The following AGMO variants were observed in gnomAD, a reference collection of about 807,000 sequenced individuals.
AGMO encodes the protein alkylglycerol monooxygenase.
AGMO carries 75 observed loss-of-function variants against 60.2 expected under a neutral mutation model. The ratio of observed to expected loss-of-function variants is 1.25; its 90% CI spans 1.03 to 1.51. The LOEUF is 1.51. Among genes scored for constraint, AGMO ranks in the 40% most tolerant of loss-of-function variants. The pLI is 0.00. For synonymous variants in AGMO, 261 were observed against 177.1 expected (o/e 1.47, Z -3.76); for missense variants, 763 against 525.5 (o/e 1.45, Z -4.42).
chr7:15,136,699 C>T, the AGMO span, among the ~76,000 whole-genome samples: 77 of 151,902 alleles, frequency 5.1e-4, no homozygotes, highest in African/African-American at 1.6e-3. Flanking sequence ...TTGCTGTATA[C>T]GGCAGCAATT....
intron 12 of AGMO, among the ~76,000 whole-genome samples, chr7:15,210,240 C>A (rs938520295): frequency 6.6e-6 from 1 of 152,084 alleles, no homozygotes; most frequent in Non-Finnish European, 1.5e-5. Flanking sequence ...AGGCAAAAAG[C>A]AATCAGATAT....
At chr7:15,547,155 T>C (rs1277712516) in intron 2 of AGMO, among the ~76,000 whole-genome samples, 1 of 140,788 alleles carries the variant, frequency 7.1e-6, no homozygotes, top group Non-Finnish European at 1.6e-5. Flanking sequence ...GCATTGCTGT[T>C]CTTTAGCACC....
intron 3 of AGMO, among the ~76,000 whole-genome samples, chr7:15,519,719 C>T (rs113304348): frequency 0.012 from 1,788 of 152,202 alleles, 38 homozygotes; most frequent in African/African-American, 0.04. Context: ...AATGTAAAGA[C>T]CATTGTCACT....
At chr7:15,319,968 G>A (rs893961023) in intron 12 of AGMO, among the ~76,000 whole-genome samples, 1 of 152,030 alleles carries the variant, frequency 6.6e-6, no homozygotes, top group African/African-American at 2.4e-5. Context: ...TAGGGACATG[G>A]ATGAAGCTGG....
chr7:15,413,159 G>A (rs1780663199), intron 5 of AGMO, among the ~76,000 whole-genome samples: 1 of 152,112 alleles, frequency 6.6e-6, no homozygotes. Context: ...ATTTAAAAAA[G>A]CCAAATTCTA....
At chr7:15,544,072 A>T (rs1408676005) in intron 3 of AGMO, among the ~76,000 whole-genome samples, 2 of 152,136 alleles carry the variant, frequency 1.3e-5, no homozygotes, top group East Asian at 3.9e-4. Flanking sequence ...CATTTGCAGC[A>T]ACCCAGATGG....
chr7:15,262,160 G>T (rs1783291698), intron 12 of AGMO, among the ~76,000 whole-genome samples: 1 of 152,134 alleles, frequency 6.6e-6, no homozygotes, highest in South Asian at 2.1e-4. Flanking sequence ...AGGAAATCAA[G>T]GCCATCCAAA....
chr7:15,293,597 C>G, intron 12 of AGMO, among the ~76,000 whole-genome samples: 1 of 151,770 alleles, frequency 6.6e-6, no homozygotes, highest in East Asian at 1.9e-4. Flanking sequence ...AAACTGTTAA[C>G]ATCTCAGCTT....
intron 5 of AGMO, among the ~76,000 whole-genome samples, chr7:15,412,710 C>G (rs997130935): frequency 8.9e-6 from 1 of 111,792 alleles, no homozygotes; most frequent in Admixed American, 8.8e-5. Flanking sequence ...AAAAAAAAGA[C>G]AAGGCTTGCC....
chr7:15,435,243 A>G (rs1781367106), intron 3 of AGMO, among the ~76,000 whole-genome samples: 2 of 151,166 alleles, frequency 1.3e-5, no homozygotes, highest in South Asian at 4.2e-4. Context: ...GCGTGGGATT[A>G]TTGAGCTGTA....
chr7:15,455,538 C>A (rs950197590), intron 3 of AGMO, among the ~76,000 whole-genome samples: 1 of 152,022 alleles, frequency 6.6e-6, no homozygotes, highest in African/African-American at 2.4e-5. Flanking sequence ...TACAAGATGC[C>A]GCTTTATTCT....
At position 15,496,976 on chromosome 7, in the gene AGMO, A is replaced by G. The variant is rs16878503; in HGVS notation, c.409+47796T>C. On this transcript the variant is annotated intron_variant, in intron 3 of 12. Transcript: ENST00000342526. ...ATTTCTCTACTATCCAATCTTGTCT[A>G]CATTATATTCCATTCTTGGCCAGCT... Among the ~76,000 whole-genome samples, 1,481 of 152,234 alleles carry G rather than the reference A, an allele frequency of 9.7e-3. 21 individuals are homozygous for G. The highest frequency in any genetic ancestry group is 0.033 in the African/African-American group (1,358 of 41,550).
At chr7:15,161,346 G>A in the AGMO span, among the ~76,000 whole-genome samples, 1 of 151,958 alleles carries the variant, frequency 6.6e-6, no homozygotes, top group Non-Finnish European at 1.5e-5. Context: ...CCTGCAGATG[G>A]CCTTTAGACT....
rs77140871 is a variant in AGMO at position 15,504,441 on chromosome 7, A to T, written c.409+40331T>A. Among the ~76,000 whole-genome samples the T allele has an allele frequency of 1.0e-3, 159 of 151,926 alleles. 1 individual carries two copies. The East Asian group carries it at 0.029, about 28-fold the overall frequency. Reference sequence around the variant, plus strand: ...TGTAAAGATGAATTTCAACCTCAAAACCCCCACTGGTTTAATGGAAGTGAC... The same window carrying T: ...TGTAAAGATGAATTTCAACCTCAAATCCCCCACTGGTTTAATGGAAGTGAC... On this transcript the variant is annotated intron_variant, in intron 3 of 12. Coordinates refer to ENST00000342526, the MANE Select transcript of AGMO (RefSeq NM_001004320.2).
chr7:15,547,924 GC>G (rs943385240), intron 2 of AGMO, among the ~76,000 whole-genome samples: 9 of 152,164 alleles, frequency 5.9e-5, no homozygotes, highest in Non-Finnish European at 1.2e-4. Context: ...CTGTCTGATA[GC>G]TTTGAAGAGA....
At chr7:15,414,446 G>C (rs1780700188) in intron 5 of AGMO, among the ~76,000 whole-genome samples, 1 of 151,434 alleles carries the variant, frequency 6.6e-6, no homozygotes, top group African/African-American at 2.4e-5. Flanking sequence ...TGATAGGAAT[G>C]CATATTTAAT....
chr7:15,358,441 G>GTT (rs1344146379), intron 12 of AGMO: 1 of 470,956 alleles, frequency 2.1e-6, no homozygotes, highest in African/African-American at 2.0e-5. Context: ...CAAGTAGGGT[G>GTT]TTTCCTAAAG....
At chr7:15,241,374 G>A (rs1425990671) in intron 12 of AGMO, among the ~76,000 whole-genome samples, 1 of 147,900 alleles carries the variant, frequency 6.8e-6, no homozygotes, top group African/African-American at 2.5e-5. Context: ...GCAGGAGAAT[G>A]GCATGAACCC....
chr7:15,238,135 C>T (rs939731386), intron 12 of AGMO, among the ~76,000 whole-genome samples: 5 of 151,796 alleles, frequency 3.3e-5, no homozygotes, highest in Non-Finnish European at 1.5e-5. Flanking sequence ...CAATTTCTCT[C>T]TTTTTTTCAG....
Sources: gnomAD v4.1 joint callset for allele counts (sites outside exome capture counted in the v4.1 genomes callset) on GRCh38, gnomAD v4.1.1 for gene constraint, MANE v1.5 for transcripts, NCBI Gene and HGNC (gene_info 2026-07-23, HGNC 2026-07-21) for gene names.